The following CNTNAP3B variants were observed in gnomAD, a reference collection of about 807,000 sequenced individuals.
CNTNAP3B encodes the protein contactin-associated protein-like 3B.
CNTNAP3B carries 25 observed loss-of-function variants against 108.9 expected under a neutral mutation model. The observed-to-expected ratio is 0.23, with a 90% CI of 0.17 to 0.32. CNTNAP3B has a LOEUF of 0.32. Ranked by LOEUF, CNTNAP3B falls within the 10% of genes least tolerant of loss-of-function variation. The pLI is 1.00. For synonymous variants in CNTNAP3B, 103 were observed against 473.4 expected (o/e 0.22, Z 10.16); for missense variants, 252 against 1,210.4 (o/e 0.21, Z 11.75).
chr9:41,931,182 TA>T (rs1220865294), intron 14 of CNTNAP3B, among the ~76,000 whole-genome samples: 64 of 152,336 alleles, frequency 4.2e-4, no homozygotes, highest in Middle Eastern at 6.8e-3. Context: ...CTTTCTGAAT[TA>T]AAAAAAATTA....
intron 2 of CNTNAP3B, among the ~76,000 whole-genome samples, chr9:42,096,217 A>T (rs1827897159): frequency 7.2e-6 from 1 of 139,314 alleles, no homozygotes; most frequent in Non-Finnish European, 1.5e-5. Flanking sequence ...GTGCCCACTC[A>T]GATCCCTGAG....
At chr9:41,969,589 A>C in intron 10 of CNTNAP3B, among the ~76,000 whole-genome samples, 1 of 150,120 alleles carries the variant, frequency 6.7e-6, no homozygotes, top group Non-Finnish European at 1.5e-5. Context: ...CTATCATTTA[A>C]AAAATGCTAT....
At chr9:41,935,841 G>A (rs546826913) in intron 14 of CNTNAP3B, among the ~76,000 whole-genome samples, 3 of 152,284 alleles carry the variant, frequency 2.0e-5, no homozygotes, top group South Asian at 2.1e-4. Flanking sequence ...GAAAGCCCAG[G>A]GCTTCTGTCA....
In CNTNAP3B at chr9:41,917,518, TGA is replaced by T. The variant is rs1261493373; in HGVS notation, c.2995+2550_2995+2551del. On this transcript the variant is annotated intron_variant, in intron 18 of 23. Coordinates refer to ENST00000377561, the MANE Select transcript of CNTNAP3B (RefSeq NM_001201380.3). ...CTCACTGCTCTGAAGCTGTGGAGAG[TGA>T]GAGTGGCCTGCTCCTTTGTAGTAAA... 2.8e-5 allele frequency among the ~76,000 whole-genome samples: 4 copies of T among 141,530 alleles called. No individual in the cohort carries two copies. In the East Asian group the frequency reaches 7.9e-4, roughly 28 times the overall value. 92.8% of individuals were successfully genotyped at this position (141,530 alleles called of 152,430 possible).
chr9:42,070,700 G>A (rs1412022963), intron 3 of CNTNAP3B, among the ~76,000 whole-genome samples: 688 of 152,134 alleles, frequency 4.5e-3, no homozygotes, highest in African/African-American at 0.016. Context: ...AGTCCAGACA[G>A]CTGCTGCCTC....
At chr9:42,039,264 CA>C (rs1218462539) in intron 3 of CNTNAP3B, among the ~76,000 whole-genome samples, 54 of 113,974 alleles carry the variant, frequency 4.7e-4, no homozygotes, top group Non-Finnish European at 6.9e-4. Flanking sequence ...GATGGAGACA[CA>C]AAAAAATCCT....
Position 41,979,943 on chromosome 9 carries a change from C to A in CNTNAP3B, c.1477+6225G>T, listed in dbSNP as rs576324978. ...TATTCTCAGGGTGTGTTTGAGGAAA[C>A]CTTTTTTTTTTTTTTTTTTTTTTTT... On this transcript the variant is annotated intron_variant, in intron 9 of 23. Coordinates refer to ENST00000377561, the MANE Select transcript of CNTNAP3B (RefSeq NM_001201380.3). 9.7e-5 allele frequency: 9 copies of A among 93,100 alleles called. 1 individual carries two copies. In the South Asian group the frequency reaches 9.7e-4, roughly 10 times the overall value. The allele number at this position is 93,100 out of a possible 1,614,324, so 5.8% of individuals were successfully genotyped here.
intron 11 of CNTNAP3B, among the ~76,000 whole-genome samples, chr9:41,963,758 C>T (rs1470113483): frequency 8.6e-5 from 13 of 151,614 alleles, no homozygotes; most frequent in Admixed American, 3.3e-4. Context: ...TGGAGCCAAC[C>T]TCCTTAGCTC....
intron 2 of CNTNAP3B, among the ~76,000 whole-genome samples, chr9:42,086,116 A>C (rs1284668583): frequency 7.1e-6 from 1 of 140,768 alleles, no homozygotes; most frequent in African/African-American, 2.8e-5. Flanking sequence ...TCATGGCAGA[A>C]GGCGAAAAGC....
chr9:41,977,429 G>A (rs1397744059), intron 9 of CNTNAP3B, among the ~76,000 whole-genome samples: 1 of 139,554 alleles, frequency 7.2e-6, no homozygotes, highest in Non-Finnish European at 1.5e-5. Context: ...TATAGCAAAT[G>A]TTTTAATACA....
intron 13 of CNTNAP3B, among the ~76,000 whole-genome samples, chr9:41,944,826 A>T (rs1587130892): frequency 6.6e-6 from 1 of 152,294 alleles, no homozygotes; most frequent in East Asian, 1.9e-4. Flanking sequence ...ATCAGAGTGA[A>T]CAGGCAACCT....
chr9:42,024,691 A>G (rs1826385450), intron 3 of CNTNAP3B, among the ~76,000 whole-genome samples: 1 of 139,996 alleles, frequency 7.1e-6, no homozygotes, highest in South Asian at 2.3e-4. Flanking sequence ...AAAAGAAAAA[A>G]AAACATGAAA....
chr9:41,958,826 C>G (rs62557294), intron 12 of CNTNAP3B, among the ~76,000 whole-genome samples: 1,505 of 149,334 alleles, frequency 0.01, no homozygotes, highest in South Asian at 0.034. Context: ...AAGACGGTTC[C>G]TTTTCACCTT....
At chr9:42,076,260 C>CA (rs58062908) in intron 3 of CNTNAP3B, among the ~76,000 whole-genome samples, 19,549 of 83,776 alleles carry the variant, frequency 0.23, 3,377 homozygotes, top group African/African-American at 0.44. Flanking sequence ...ACTAAAAATA[C>CA]AAAAAAAAAA....
At chr9:41,955,180 C>T (rs1357502793) in intron 12 of CNTNAP3B, among the ~76,000 whole-genome samples, 6 of 145,664 alleles carry the variant, frequency 4.1e-5, no homozygotes, top group East Asian at 2.0e-4. Flanking sequence ...AATGATGGTC[C>T]GGAGTAGTTC....
intron 12 of CNTNAP3B, chr9:41,960,289 T>C (rs1191993136): frequency 4.7e-5 from 8 of 170,758 alleles, no homozygotes; most frequent in Middle Eastern, 2.6e-3. Context: ...TGAGCCACCA[T>C]GCGCAGCCCA....
At chr9:41,939,601 T>A (rs1158815383) in intron 13 of CNTNAP3B, among the ~76,000 whole-genome samples, 1 of 152,300 alleles carries the variant, frequency 6.6e-6, no homozygotes, top group Non-Finnish European at 1.5e-5. Flanking sequence ...CACTACAACG[T>A]AAAAGATATT....
At chr9:42,030,842 G>A (rs1376859647) in intron 3 of CNTNAP3B, among the ~76,000 whole-genome samples, 2 of 127,768 alleles carry the variant, frequency 1.6e-5, no homozygotes, top group Non-Finnish European at 3.3e-5. Context: ...GAGAGAGAGA[G>A]AGAGATGTGT....
At chr9:41,936,818 A>G (rs1345542528) in intron 14 of CNTNAP3B, among the ~76,000 whole-genome samples, 1 of 152,300 alleles carries the variant, frequency 6.6e-6, no homozygotes, top group African/African-American at 2.4e-5. Flanking sequence ...GTGTCTCATA[A>G]ATCTGTATGA....
Sources: allele counts gnomAD v4.1 joint callset (sites outside exome capture counted in the v4.1 genomes callset), GRCh38; gene constraint gnomAD v4.1.1; transcripts MANE v1.5; gene names NCBI Gene and HGNC (gene_info 2026-07-23, HGNC 2026-07-21).